The following FOCAD variants were observed in gnomAD, a reference collection of about 807,000 sequenced individuals.
The protein encoded by FOCAD is focadhesin.
A neutral mutation model predicts 225.6 loss-of-function variants in FOCAD; 198 were observed. The ratio of observed to expected loss-of-function variants is 0.88; its 90% CI spans 0.78 to 0.99. The LOEUF (loss-of-function observed/expected upper bound fraction) is 0.99, where lower values mean the gene tolerates loss of function less well. FOCAD is among the 50% of genes least tolerant of loss of function. The pLI is 0.00. For missense variants in FOCAD, 2,713 were observed against 2,123.6 expected (o/e 1.28, Z -5.46); for synonymous variants, 897 against 755.0 (o/e 1.19, Z -3.08).
chr9:20,990,608 G>A (rs1266609367), intron 42 of FOCAD, among the ~76,000 whole-genome samples: 1 of 152,202 alleles, frequency 6.6e-6, no homozygotes, highest in Non-Finnish European at 1.5e-5. Context: ...GAGTGAGGTG[G>A]AGGAAAAGTC....
chr9:20,966,398 G>A (rs1419013564), intron 35 of FOCAD, among the ~76,000 whole-genome samples: 5 of 151,704 alleles, frequency 3.3e-5, no homozygotes, highest in Non-Finnish European at 7.4e-5. Flanking sequence ...TTGTTGAGTC[G>A]TAAGAGTTCT....
chr9:20,929,398 G>C lies in FOCAD; in HGVS notation c.3119G>C (p.Arg1040Pro). ...SGENTASAIARSAAATALSLL... is the reference protein window; with the variant it reads ...SGENTASAIAPSAAATALSLL... Reference sequence around the variant, plus strand: ...GAAAACACAGCTAGTGCCATTGCCCGTTCTGCTGCCGCCACGGCTTTGTCT... The same window carrying C: ...GAAAACACAGCTAGTGCCATTGCCCCTTCTGCTGCCGCCACGGCTTTGTCT... Residue 1040 changes from arginine (R) to proline (P), a missense_variant, in exon 27 of 44, where the codon CGT becomes CCT. Transcript: ENST00000338382. 6.2e-7 allele frequency: 1 copy of C among 1,614,042 alleles called. No individual in the cohort carries two copies. Among genetic ancestry groups the C allele is most frequent in the Non-Finnish European group, 8.5e-7 (1 of 1,180,020 alleles).
intron 11 of FOCAD, among the ~76,000 whole-genome samples, chr9:20,792,327 C>G (rs773083512): frequency 1.1e-4 from 17 of 152,134 alleles, no homozygotes; most frequent in Non-Finnish European, 2.5e-4. Context: ...AGTTTAATAT[C>G]TCACCTTCAA....
At chr9:20,841,596 A>G (rs1351500794) in intron 15 of FOCAD, among the ~76,000 whole-genome samples, 1 of 151,824 alleles carries the variant, frequency 6.6e-6, no homozygotes, top group Non-Finnish European at 1.5e-5. Context: ...CTGCAGTATT[A>G]GTTGTAATAT....
intron 1 of FOCAD, among the ~76,000 whole-genome samples, chr9:20,702,619 G>A (rs971549771): frequency 7.9e-5 from 12 of 152,060 alleles, no homozygotes; most frequent in African/African-American, 2.9e-4. Flanking sequence ...TTTGAATATC[G>A]AGTGAGAGAA....
chr9:20,981,377 A>T (rs942629338), intron 37 of FOCAD, 49 bp from the exon 38 acceptor site: 1 of 1,594,228 alleles, frequency 6.3e-7, no homozygotes, highest in South Asian at 1.1e-5. Context: ...TGAACATTGC[A>T]AACCCAGACT....
intron 6 of FOCAD, among the ~76,000 whole-genome samples, chr9:20,763,349 G>A (rs550429838): frequency 3.4e-4 from 52 of 152,252 alleles, no homozygotes; most frequent in African/African-American, 1.1e-3. Context: ...TCAGCTACTT[G>A]GGAGACTGAG....
chr9:20,948,128 T>G (rs1323175151), intron 30 of FOCAD, 143 bp from the exon 31 acceptor site: 1 of 853,552 alleles, frequency 1.2e-6, no homozygotes, highest in Non-Finnish European at 1.7e-6. Context: ...AAAAAACACT[T>G]AAGTCTGATT....
At chr9:20,874,188 A>G (rs1205005774) in intron 18 of FOCAD, 2 of 152,222 alleles carry the variant, frequency 1.3e-5, no homozygotes, top group African/African-American at 4.8e-5. Flanking sequence ...AAAGAAGTCA[A>G]CTAAAGCATT....
At chr9:20,700,140 C>T (rs1037806429) in intron 1 of FOCAD, among the ~76,000 whole-genome samples, 1 of 147,084 alleles carries the variant, frequency 6.8e-6, no homozygotes, top group African/African-American at 2.5e-5. Context: ...GTAAATGTTC[C>T]TTTTTTTTTT....
chr9:20,815,137 G>GTTTTTTTATTTTTTTTTTTTTT (rs1823564071), intron 11 of FOCAD, among the ~76,000 whole-genome samples: 1 of 69,116 alleles, frequency 1.4e-5, no homozygotes, highest in African/African-American at 6.0e-5. Context: ...TTTTTTTTTT[G>GTTTTTTTATTTTTTTTTTTTTT]TTTTTTTTTT....
chr9:20,918,123 C>A (rs1350548924), intron 24 of FOCAD, among the ~76,000 whole-genome samples: 1 of 152,198 alleles, frequency 6.6e-6, no homozygotes, highest in Admixed American at 6.5e-5. Flanking sequence ...GATGAGAATG[C>A]AGGCTGTCTT....
chr9:20,788,729 C>T (rs1820205838), intron 10 of FOCAD, among the ~76,000 whole-genome samples: 1 of 152,192 alleles, frequency 6.6e-6, no homozygotes, highest in Admixed American at 6.5e-5. Context: ...CCCGACTGCA[C>T]TGCTTTATTT....
At chr9:20,804,079 A>G (rs1219074493) in intron 11 of FOCAD, among the ~76,000 whole-genome samples, 3 of 152,064 alleles carry the variant, frequency 2.0e-5, no homozygotes, top group Non-Finnish European at 1.5e-5. Context: ...AGAGATTGCC[A>G]GAAGGTGGGT....
At chr9:20,777,430 A>C (rs1463666740) in intron 8 of FOCAD, among the ~76,000 whole-genome samples, 3 of 151,602 alleles carry the variant, frequency 2.0e-5, no homozygotes, top group Non-Finnish European at 4.4e-5. Flanking sequence ...TAATACATTA[A>C]GATTTTCTTT....
chr9:20,961,684 CAGTA>C (rs1408192509), intron 35 of FOCAD, among the ~76,000 whole-genome samples: 1 of 152,160 alleles, frequency 6.6e-6, no homozygotes, highest in African/African-American at 2.4e-5. Context: ...CCTTCTCTGA[CAGTA>C]AGAAACTTGA....
At chr9:20,933,977 T>A (rs963641675) in intron 28 of FOCAD, among the ~76,000 whole-genome samples, 2 of 152,172 alleles carry the variant, frequency 1.3e-5, no homozygotes, top group African/African-American at 4.8e-5. Flanking sequence ...AGCATTTTTT[T>A]ATACATTTGT....
chr9:20,924,305 T>A (rs1205401236), intron 25 of FOCAD, among the ~76,000 whole-genome samples: 1 of 152,224 alleles, frequency 6.6e-6, no homozygotes, highest in Non-Finnish European at 1.5e-5. Context: ...TTAAGTCTCA[T>A]TATCTGGTAG....
chr9:20,903,390 T>A (rs2131993632), intron 21 of FOCAD, among the ~76,000 whole-genome samples: 2 of 152,112 alleles, frequency 1.3e-5, no homozygotes, highest in South Asian at 4.1e-4. Flanking sequence ...CCTGGATTGT[T>A]GACGTCGCGT....
Sources: gnomAD v4.1 joint callset for allele counts (sites outside exome capture counted in the v4.1 genomes callset) on GRCh38, gnomAD v4.1.1 for gene constraint, MANE v1.5 for transcripts, NCBI Gene and HGNC (gene_info 2026-07-23, HGNC 2026-07-21) for gene names.